The following IL1RAPL2 variants were observed in gnomAD, a reference collection of about 807,000 sequenced individuals.
IL1RAPL2 encodes X-linked interleukin-1 receptor accessory protein-like 2.
A neutral mutation model predicts 44.1 loss-of-function variants in IL1RAPL2; 3 were observed. The ratio of observed to expected loss-of-function variants is 0.07; its 90% CI spans 0.03 to 0.18. The LOEUF is 0.18. Among genes scored for constraint, IL1RAPL2 ranks in the 10% least tolerant of loss-of-function variants. IL1RAPL2 has a pLI of 1.00. For missense variants in IL1RAPL2, 391 were observed against 496.4 expected, an observed-to-expected ratio of 0.79 and a Z score of 2.02; for synonymous variants, 181 against 178.8, an observed-to-expected ratio of 1.01 and a Z score of -0.10.
intron 6 of IL1RAPL2, among the ~76,000 whole-genome samples, chrX:105,556,444 G>T (rs1190143515): frequency 9.0e-6 from 1 of 110,699 alleles, no homozygotes; most frequent in Non-Finnish European, 1.9e-5. Context: ...GAGCCTTTAA[G>T]CCAAACTGCT....
chrX:105,546,592 G>A (rs1305135977), intron 6 of IL1RAPL2, among the ~76,000 whole-genome samples: 1 of 111,015 alleles, frequency 9.0e-6, no homozygotes. Context: ...CATAATGGGA[G>A]GGAGGAATCT....
intron 2 of IL1RAPL2, among the ~76,000 whole-genome samples, chrX:104,954,205 T>C (rs2147712358): frequency 8.9e-6 from 1 of 112,441 alleles, no homozygotes; most frequent in South Asian, 3.7e-4. Context: ...AGAGCAGACA[T>C]TGACTCTAGA....
chrX:105,548,282 C>T lies in IL1RAPL2; in HGVS notation c.772+63895C>T, dbSNP rs73245787. Among the ~76,000 whole-genome samples the T allele has an allele frequency of 5.5e-3, 603 of 110,012 alleles. 2 individuals are homozygous for T. The highest frequency in any genetic ancestry group is 7.9e-3 in the Non-Finnish European group (420 of 52,839). On this transcript the variant is annotated intron_variant, in intron 6 of 10. Transcript: ENST00000372582. ...TATATATTGAAATTATATATATATG[C>T]CTTGAAGGAGTCAAGGGAACCATGA...
chrX:104,709,909 C>T (rs780494413), intron 2 of IL1RAPL2, among the ~76,000 whole-genome samples: 1 of 110,342 alleles, frequency 9.1e-6, no homozygotes, highest in South Asian at 3.8e-4. Context: ...CATCATTAAT[C>T]ATGGAAATGG....
intron 2 of IL1RAPL2, among the ~76,000 whole-genome samples, chrX:104,834,812 G>GT (rs1921698254): frequency 9.0e-6 from 1 of 111,620 alleles, no homozygotes; most frequent in South Asian, 3.8e-4. Flanking sequence ...GTCAAGGGTG[G>GT]TTATTGCTGC....
chrX:105,363,277 G>GTA lies in IL1RAPL2; in HGVS notation c.697+95747_697+95748dup, dbSNP rs1186214852. ...TATACATGTGTTTATATATATGTGT[G>GTA]TATATATATATAATATATATATATA... On this transcript the variant is annotated intron_variant, in intron 5 of 10. Transcript: ENST00000372582. 2.9e-3 allele frequency among the ~76,000 whole-genome samples: 234 copies of GTA among 81,038 alleles called. 2 individuals carry two copies. Among genetic ancestry groups the GTA allele is most frequent in the African/African-American group, 0.011 (213 of 19,756 alleles). The allele number at this position is 81,038 out of a possible 115,157, so 70.4% of individuals were successfully genotyped here.
chrX:105,680,057 G>A (rs1383297562), intron 6 of IL1RAPL2, among the ~76,000 whole-genome samples: 2 of 111,171 alleles, frequency 1.8e-5, no homozygotes, highest in African/African-American at 6.6e-5. Flanking sequence ...CTGGAGTGCA[G>A]TGGTGCGATC....
At chrX:105,446,669 C>A (rs1445433735) in intron 5 of IL1RAPL2, among the ~76,000 whole-genome samples, 2 of 110,827 alleles carry the variant, frequency 1.8e-5, no homozygotes, top group African/African-American at 6.5e-5. Context: ...AAGAAACCAG[C>A]ATGCAGGAAA....
chrX:105,583,260 G>A lies in IL1RAPL2; in HGVS notation c.772+98873G>A, dbSNP rs1306439339. On this transcript the variant is annotated intron_variant, in intron 6 of 10. Transcript: ENST00000372582. ...AGCGATTCTCCTGCCTCAGCCTCCCGAGTAGCTGGGACTACTGGCGCGTGA... is the reference window on the plus strand; with the variant it reads ...AGCGATTCTCCTGCCTCAGCCTCCCAAGTAGCTGGGACTACTGGCGCGTGA... Among the ~76,000 whole-genome samples, 5 of 107,822 alleles carry A rather than the reference G, an allele frequency of 4.6e-5. No individual in the cohort carries two copies. In the South Asian group the frequency reaches 1.7e-3, roughly 36 times the overall value. The allele number at this position is 107,822 out of a possible 115,157, so 93.6% of individuals were successfully genotyped here.
intron 6 of IL1RAPL2, among the ~76,000 whole-genome samples, chrX:105,645,619 T>C (rs2037600004): frequency 8.9e-6 from 1 of 112,226 alleles, no homozygotes; most frequent in Non-Finnish European, 1.9e-5. Flanking sequence ...CTCAAGGTAG[T>C]TGATATCTCT....
At chrX:105,250,927 A>C (rs2034263763) in intron 4 of IL1RAPL2, among the ~76,000 whole-genome samples, 1 of 111,122 alleles carries the variant, frequency 9.0e-6, no homozygotes, top group Admixed American at 9.6e-5. Context: ...CTTATGTATG[A>C]GAATGTAGAA....
intron 1 of IL1RAPL2, among the ~76,000 whole-genome samples, chrX:104,657,844 C>A (rs184126205): frequency 3.3e-3 from 375 of 112,134 alleles, no homozygotes; most frequent in Non-Finnish European, 5.3e-3. Flanking sequence ...GACATTTATG[C>A]AGCCAACAGA....
intron 5 of IL1RAPL2, among the ~76,000 whole-genome samples, chrX:105,414,945 T>C (rs1169147701): frequency 8.9e-6 from 1 of 112,290 alleles, no homozygotes; most frequent in Non-Finnish European, 1.9e-5. Context: ...TGTGAACACA[T>C]TATAAGCTAT....
intron 6 of IL1RAPL2, among the ~76,000 whole-genome samples, chrX:105,704,102 A>G (rs1043567613): frequency 2.7e-5 from 3 of 111,764 alleles, no homozygotes; most frequent in African/African-American, 9.7e-5. Flanking sequence ...CTTACAGTAT[A>G]GTAAGGGAAG....
intron 2 of IL1RAPL2, among the ~76,000 whole-genome samples, chrX:104,724,154 A>G (rs1242260445): frequency 9.0e-6 from 1 of 111,604 alleles, no homozygotes; most frequent in African/African-American, 3.2e-5. Context: ...TTAGAAAGGA[A>G]AAGTATGATT....
At chrX:105,084,352 G>A (rs1013565887) in intron 2 of IL1RAPL2, among the ~76,000 whole-genome samples, 4 of 112,850 alleles carry the variant, frequency 3.5e-5, no homozygotes, top group Non-Finnish European at 5.6e-5. Flanking sequence ...GGGACCGGGG[G>A]TGCCCCACCT....
At chrX:104,984,699 G>A (rs896756836) in intron 2 of IL1RAPL2, among the ~76,000 whole-genome samples, 8 of 111,989 alleles carry the variant, frequency 7.1e-5, no homozygotes, top group African/African-American at 2.6e-4. Flanking sequence ...GGTTACAGAA[G>A]ATAATTCAAC....
intron 1 of IL1RAPL2, among the ~76,000 whole-genome samples, chrX:104,610,807 G>C (rs1265247359): frequency 3.6e-5 from 4 of 111,635 alleles, no homozygotes; most frequent in African/African-American, 1.3e-4. Flanking sequence ...CCAAAAAAGA[G>C]CCCGCATCGC....
intron 1 of IL1RAPL2, among the ~76,000 whole-genome samples, chrX:104,580,943 A>G (rs1569487220): frequency 8.9e-6 from 1 of 112,109 alleles, no homozygotes; most frequent in East Asian, 2.8e-4. Flanking sequence ...GTGCCTTTGA[A>G]TCCTGTGGTT....
Sources: gnomAD v4.1 joint callset for allele counts (sites outside exome capture counted in the v4.1 genomes callset) on GRCh38, gnomAD v4.1.1 for gene constraint, MANE v1.5 for transcripts, NCBI Gene and HGNC (gene_info 2026-07-23, HGNC 2026-07-21) for gene names.